The following DPYD variants were observed in gnomAD, a reference collection of about 807,000 sequenced individuals.
The protein encoded by DPYD is dihydropyrimidine dehydrogenase.
In DPYD, 109 loss-of-function variants were observed where a neutral mutation model predicts 116.2. The ratio of observed to expected loss-of-function variants is 0.94; its 90% CI spans 0.80 to 1.10. DPYD has a LOEUF of 1.10. Ranked by LOEUF, DPYD falls within the 50% of genes least tolerant of loss-of-function variation. The probability of loss-of-function intolerance (pLI) is 0.00; values close to 1 mark genes in which losing one functional copy is unlikely to be tolerated. For synonymous variants in DPYD, 440 were observed against 432.0 expected, an observed-to-expected ratio of 1.02 and a Z score of -0.23; for missense variants, 1,302 against 1,254.5, an observed-to-expected ratio of 1.04 and a Z score of -0.57.
chr1:97,914,901 A>T (rs1674140933), intron 1 of DPYD, among the ~76,000 whole-genome samples: 1 of 152,138 alleles, frequency 6.6e-6, no homozygotes, highest in Non-Finnish European at 1.5e-5. Flanking sequence ...TTTTAACTTC[A>T]TTAACTCCTC....
At chr1:97,480,106 T>C (rs918637814) in intron 13 of DPYD, among the ~76,000 whole-genome samples, 3 of 152,188 alleles carry the variant, frequency 2.0e-5, no homozygotes, top group African/African-American at 7.2e-5. Flanking sequence ...TGTAATGTGT[T>C]GAAACTTTTT....
At chr1:97,227,505 A>G (rs1661270816) in intron 19 of DPYD, among the ~76,000 whole-genome samples, 2 of 152,000 alleles carry the variant, frequency 1.3e-5, no homozygotes, top group African/African-American at 2.4e-5. Flanking sequence ...ATATTAAAAT[A>G]GCTCACATAA....
intron 3 of DPYD, among the ~76,000 whole-genome samples, chr1:97,824,130 G>A (rs1255559230): frequency 2.0e-5 from 3 of 152,018 alleles, no homozygotes; most frequent in African/African-American, 7.2e-5. Flanking sequence ...AAATTCTTAG[G>A]GAGGTTTTGT....
At chr1:97,511,348 A>G (rs1647783908) in intron 13 of DPYD, among the ~76,000 whole-genome samples, 1 of 152,038 alleles carries the variant, frequency 6.6e-6, no homozygotes, top group African/African-American at 2.4e-5. Flanking sequence ...GATAACAACT[A>G]TAACAATGAC....
intron 18 of DPYD, among the ~76,000 whole-genome samples, chr1:97,268,012 G>A (rs1664343672): frequency 6.6e-6 from 1 of 152,160 alleles, no homozygotes; most frequent in Non-Finnish European, 1.5e-5. Flanking sequence ...ACACAATGGT[G>A]AGACAAGCAT....
chr1:97,687,737 C>T (rs890508622), intron 7 of DPYD, among the ~76,000 whole-genome samples: 1 of 152,026 alleles, frequency 6.6e-6, no homozygotes, highest in South Asian at 2.1e-4. Flanking sequence ...AAATGCCCAT[C>T]AATAATATAG....
chr1:97,451,295 AGGCATACCCTT>A (rs1676399732), intron 13 of DPYD, among the ~76,000 whole-genome samples: 1 of 152,156 alleles, frequency 6.6e-6, no homozygotes, highest in African/African-American at 2.4e-5. Flanking sequence ...ATGTTTGATA[AGGCATACCCTT>A]GCCACAAAAG....
At chr1:97,693,639 T>C (rs1171503041) in intron 6 of DPYD, among the ~76,000 whole-genome samples, 1 of 152,108 alleles carries the variant, frequency 6.6e-6, no homozygotes, top group Non-Finnish European at 1.5e-5. Flanking sequence ...AGATTAAATA[T>C]GGACTAAAAC....
At chr1:97,169,882 C>A (rs1760209) in intron 20 of DPYD, among the ~76,000 whole-genome samples, 27,093 of 152,090 alleles carry the variant, frequency 0.18, 2,459 homozygotes, top group East Asian at 0.29. Flanking sequence ...AGCTCTCCAT[C>A]TCCACCTGCA....
In DPYD at chr1:97,477,662, G is replaced by A. The variant is rs561394706; in HGVS notation, c.1741-27439C>T. On this transcript the variant is annotated intron_variant, in intron 13 of 22. Transcript: ENST00000370192. ...GGAGTCTCGCTCTGTCGCCCAGGCC[G>A]GACTGCGGACTGCAGTGGCGCAATC... Among the ~76,000 whole-genome samples the A allele has an allele frequency of 7.9e-5, 11 of 139,050 alleles. No individual in the cohort carries two copies. The East Asian group carries it at 1.5e-3, about 19-fold the overall frequency. 91.2% of individuals were successfully genotyped at this position (139,050 alleles called of 152,430 possible). A position where few individuals can be genotyped will look rare whatever the true frequency, so the allele number is the denominator to read the frequency against.
chr1:97,112,362 T>C (rs1051524868), intron 20 of DPYD, among the ~76,000 whole-genome samples: 4 of 152,146 alleles, frequency 2.6e-5, no homozygotes, highest in Admixed American at 6.6e-5. Flanking sequence ...CATACAGTTA[T>C]GTAATTTTGT....
At chr1:97,220,775 T>G (rs573276038) in intron 19 of DPYD, among the ~76,000 whole-genome samples, 23 of 152,332 alleles carry the variant, frequency 1.5e-4, no homozygotes, top group African/African-American at 4.1e-4. Flanking sequence ...TGTCTCCACT[T>G]CAGATGTATA....
At chr1:97,283,536 C>T (rs1665464646) in intron 18 of DPYD, among the ~76,000 whole-genome samples, 1 of 151,920 alleles carries the variant, frequency 6.6e-6, no homozygotes, top group Admixed American at 6.6e-5. Context: ...TTGTAATTGA[C>T]TTAATTTGAA....
intron 19 of DPYD, among the ~76,000 whole-genome samples, chr1:97,209,970 C>T (rs1003739697): frequency 1.1e-4 from 16 of 152,092 alleles, no homozygotes; most frequent in East Asian, 9.6e-4. Context: ...ATCTGCCAAA[C>T]GAAGCTAAGA....
intron 13 of DPYD, among the ~76,000 whole-genome samples, chr1:97,458,076 G>A (rs77113504): frequency 1.4e-4 from 22 of 152,338 alleles, no homozygotes; most frequent in African/African-American, 5.3e-4. Flanking sequence ...AGATGATCAT[G>A]TGATATGCTT....
intron 8 of DPYD, among the ~76,000 whole-genome samples, chr1:97,612,111 T>C (rs186151182): frequency 1.3e-5 from 2 of 152,166 alleles, no homozygotes; most frequent in African/African-American, 4.8e-5. Flanking sequence ...CCTGTATTGA[T>C]ATTAAGTGGT....
At position 97,078,707 on chromosome 1, in the gene DPYD, A is replaced by T. The variant is rs1327396743; in HGVS notation, c.*269T>A. On this transcript the variant is annotated 3_prime_UTR_variant, in exon 23 of 23. Coordinates refer to ENST00000370192, the MANE Select transcript of DPYD (RefSeq NM_000110.4). ...AAAAAGTTAATTTTTCACATAAGACAACTGGCAGTGAACATCCAATTAACT... is the reference window on the plus strand; with the variant it reads ...AAAAAGTTAATTTTTCACATAAGACTACTGGCAGTGAACATCCAATTAACT... The T allele has an allele frequency of 4.5e-6, 2 of 449,376 alleles. No homozygotes were observed. Among genetic ancestry groups the T allele is most frequent in the East Asian group, 9.1e-5 (2 of 21,996 alleles). 27.8% of individuals were successfully genotyped at this position (449,376 alleles called of 1,614,324 possible). A position where few individuals can be genotyped will look rare whatever the true frequency, so the allele number is the denominator to read the frequency against.
intron 3 of DPYD, among the ~76,000 whole-genome samples, chr1:97,781,389 A>G (rs1458895431): frequency 1.3e-5 from 2 of 152,144 alleles, no homozygotes; most frequent in African/African-American, 4.8e-5. Context: ...TGCCCCAGGG[A>G]ATGTTTTGAT....
chr1:97,209,810 T>C (rs1394474230), intron 19 of DPYD, among the ~76,000 whole-genome samples: 3 of 152,172 alleles, frequency 2.0e-5, no homozygotes, highest in African/African-American at 7.2e-5. Context: ...AAGCCAGCTA[T>C]CTGAAACAAA....
Sources: gnomAD v4.1 joint callset for allele counts (sites outside exome capture counted in the v4.1 genomes callset) on GRCh38, gnomAD v4.1.1 for gene constraint, MANE v1.5 for transcripts, NCBI Gene and HGNC (gene_info 2026-07-23, HGNC 2026-07-21) for gene names.